KIAA1217: variants seen among roughly 807,000 people sequenced by gnomAD.
The protein encoded by KIAA1217 is sickle tail protein homolog.
Under a neutral mutation model 163.9 loss-of-function variants are expected in KIAA1217, and 88 were observed. The observed-to-expected ratio is 0.54, with a 90% CI of 0.45 to 0.64. KIAA1217 has a LOEUF of 0.64. Ranked by LOEUF, KIAA1217 falls within the 30% of genes least tolerant of loss-of-function variation. KIAA1217 has a pLI of 0.00. For missense variants in KIAA1217, 2,372 were observed against 2,475.0 expected, an observed-to-expected ratio of 0.96 and a Z score of 0.88; for synonymous variants, 903 against 923.1, an observed-to-expected ratio of 0.98 and a Z score of 0.39.
chr10:24,545,645 T>G (rs2075659276), intron 20 of KIAA1217, 182 bp from the exon 21 acceptor site: 2 of 1,399,768 alleles, frequency 1.4e-6, no homozygotes, highest in African/African-American at 2.9e-5. Flanking sequence ...TCCTTTGCTA[T>G]GTACATGGGG....
chr10:24,312,704 C>T (rs1031219790), intron 2 of KIAA1217, among the ~76,000 whole-genome samples: 1 of 151,494 alleles, frequency 6.6e-6, no homozygotes, highest in Non-Finnish European at 1.5e-5. Context: ...TTGCTTGAGT[C>T]CAGGAGTTCG....
In KIAA1217 at chr10:24,546,081, G is replaced by C; in HGVS notation, c.5589G>C (p.Lys1863Asn). The change falls in exon 21 of 21, where the codon AAG (lysine) becomes AAC (asparagine). Residue 1863 changes from lysine (K) to asparagine (N), a missense_variant. Lys to Asn is a moderately conservative substitution (Grantham distance 94, BLOSUM62 0). Transcript: ENST00000376454. Reference sequence around the variant, plus strand: ...CTTCTGTCTCTAATGGCTCTTTGAAGTTTCAGAGCCTCACTCATACAGGTA... The same window carrying C: ...CTTCTGTCTCTAATGGCTCTTTGAACTTTCAGAGCCTCACTCATACAGGTA... ...LIPSVSNGSLKFQSLTHTGKG... is the reference protein window; with the variant it reads ...LIPSVSNGSLNFQSLTHTGKG... 6.2e-7 allele frequency: 1 copy of C among 1,614,186 alleles called. No homozygotes were observed. Among genetic ancestry groups the C allele is most frequent in the Non-Finnish European group, 8.5e-7 (1 of 1,180,042 alleles).
intron 1 of KIAA1217, among the ~76,000 whole-genome samples, chr10:23,985,861 G>A (rs1845949876): frequency 6.6e-6 from 1 of 152,120 alleles, no homozygotes; most frequent in Non-Finnish European, 1.5e-5. Context: ...CAAATTATCT[G>A]TAGGCTGCCC....
At chr10:23,886,709 A>C (rs1310255171) in intron 1 of KIAA1217, among the ~76,000 whole-genome samples, 1 of 152,020 alleles carries the variant, frequency 6.6e-6, no homozygotes, top group African/African-American at 2.4e-5. Flanking sequence ...TTCTGTTATT[A>C]GCATAGCCTC....
At chr10:23,915,041 G>A (rs2131277562) in intron 1 of KIAA1217, among the ~76,000 whole-genome samples, 1 of 151,850 alleles carries the variant, frequency 6.6e-6, no homozygotes, top group South Asian at 2.1e-4. Context: ...TGTGACAGAA[G>A]AAAGAGAACC....
chr10:23,759,525 T>G (rs1351810375), intron 1 of KIAA1217, among the ~76,000 whole-genome samples: 1 of 152,200 alleles, frequency 6.6e-6, no homozygotes, highest in African/African-American at 2.4e-5. Flanking sequence ...CACCATTGAG[T>G]ATGATGATTA....
chr10:23,848,802 A>G (rs1269725531), intron 1 of KIAA1217, among the ~76,000 whole-genome samples: 2 of 152,062 alleles, frequency 1.3e-5, no homozygotes, highest in Admixed American at 1.3e-4. Flanking sequence ...TCCACAGTGG[A>G]TTTTTTGTGA....
intron 1 of KIAA1217, among the ~76,000 whole-genome samples, chr10:23,724,072 C>G (rs1369968417): frequency 1.3e-5 from 2 of 152,126 alleles, no homozygotes; most frequent in Non-Finnish European, 2.9e-5. Context: ...AACTCACTCA[C>G]TCCTAAGAAC....
chr10:24,533,268 C>A, intron 16 of KIAA1217, 31 bp downstream of exon 16: 1 of 1,577,268 alleles, frequency 6.3e-7, no homozygotes, highest in Middle Eastern at 2.2e-4. Context: ...ACATTGGCTC[C>A]TTGCCTCCCG....
intron 1 of KIAA1217, among the ~76,000 whole-genome samples, chr10:23,905,391 A>T (rs889957944): frequency 1.3e-5 from 2 of 152,024 alleles, no homozygotes; most frequent in African/African-American, 4.8e-5. Context: ...GAGCCTGGAG[A>T]TGAAGGAGAT....
intron 2 of KIAA1217, among the ~76,000 whole-genome samples, chr10:24,364,176 G>A (rs1171449478): frequency 1.3e-5 from 2 of 151,696 alleles, no homozygotes; most frequent in African/African-American, 4.8e-5. Context: ...ATGGGGTTTT[G>A]CCATGTTGGC....
Position 24,242,837 on chromosome 10 carries a change from A to G in KIAA1217, c.354+22928A>G, listed in dbSNP as rs1170316256. Among the ~76,000 whole-genome samples, 2 of 152,212 alleles carry G rather than the reference A, an allele frequency of 1.3e-5. 1 individual carries two copies. Among genetic ancestry groups the G allele is most frequent in the African/African-American group, 4.8e-5 (2 of 41,458 alleles). On this transcript the variant is annotated intron_variant, in intron 2 of 20. Coordinates refer to ENST00000376454, the MANE Select transcript of KIAA1217 (RefSeq NM_019590.5). Reference sequence around the variant, plus strand: ...TTTGATTTGCATATCTCTGATGATTAGTGACGTGGAGCATTTTTTCATATG... The same window carrying G: ...TTTGATTTGCATATCTCTGATGATTGGTGACGTGGAGCATTTTTTCATATG...
intron 2 of KIAA1217, among the ~76,000 whole-genome samples, chr10:24,309,438 C>T (rs928702110): frequency 3.3e-5 from 5 of 151,934 alleles, no homozygotes; most frequent in Admixed American, 6.6e-5. Context: ...TCACAGTGTA[C>T]GTTTGTATAC....
At chr10:24,336,737 C>T (rs559080651) in intron 2 of KIAA1217, among the ~76,000 whole-genome samples, 1 of 152,216 alleles carries the variant, frequency 6.6e-6, no homozygotes, top group South Asian at 2.1e-4. Flanking sequence ...GAGTTGCCTG[C>T]TTAGAATATG....
chr10:24,509,506 T>C (rs182835180), intron 9 of KIAA1217, among the ~76,000 whole-genome samples: 16 of 152,336 alleles, frequency 1.1e-4, no homozygotes, highest in African/African-American at 3.6e-4. Flanking sequence ...TTAAACATTA[T>C]GCCCCGTTGT....
chr10:24,544,273 G>C lies in KIAA1217; in HGVS notation c.5003G>C (p.Ser1668Thr), dbSNP rs1414474978. Residue 1668 changes from serine (S) to threonine (T), a missense_variant, in exon 19 of 21, where the codon AGC (serine) becomes ACC (threonine). By Grantham distance (58) the Ser-to-Thr change is moderately conservative (BLOSUM62 1). Coordinates refer to ENST00000376454, the MANE Select transcript of KIAA1217 (RefSeq NM_019590.5). ...IRKNTYRTLD[S>T]LEQTIKQLEN... ...AAAAACACCTACAGAACATTGGATA[G>C]CCTGGAGCAGACCATTAAACAGCTC... The C allele has an allele frequency of 1.2e-6, 2 of 1,614,156 alleles. No homozygotes were observed. The highest frequency in any genetic ancestry group is 2.2e-5 in the South Asian group (2 of 91,078).
At chr10:23,840,705 A>G (rs980549758) in intron 1 of KIAA1217, among the ~76,000 whole-genome samples, 1 of 152,188 alleles carries the variant, frequency 6.6e-6, no homozygotes, top group Non-Finnish European at 1.5e-5. Context: ...GTTTTAGTTG[A>G]TATAGATGTG....
At chr10:23,841,827 C>CTTTAT (rs376133012) in intron 1 of KIAA1217, among the ~76,000 whole-genome samples, 12,025 of 133,502 alleles carry the variant, frequency 0.09, 719 homozygotes, top group East Asian at 0.13. Flanking sequence ...ACCATTGGGA[C>CTTTAT]TTTATTTTAT....
intron 2 of KIAA1217, among the ~76,000 whole-genome samples, chr10:24,193,654 G>A (rs535139158): frequency 2.0e-5 from 3 of 152,304 alleles, no homozygotes; most frequent in Non-Finnish European, 2.9e-5. Context: ...AACGAGCTGC[G>A]CCATGCAGAA....
Sources: allele counts gnomAD v4.1 joint callset (sites outside exome capture counted in the v4.1 genomes callset), GRCh38; gene constraint gnomAD v4.1.1; transcripts MANE v1.5; gene names NCBI Gene and HGNC (gene_info 2026-07-23, HGNC 2026-07-21).